The following GALNT13 variants were observed in gnomAD, a reference collection of about 807,000 sequenced individuals.
The protein encoded by GALNT13 is UDP-GalNAc:polypeptide N-acetylgalactosaminyltransferase 13.
A neutral mutation model predicts 64.2 loss-of-function variants in GALNT13; 28 were observed. The observed-to-expected ratio is 0.44, with a 90% CI of 0.32 to 0.60. The LOEUF is 0.60. GALNT13 is among the 20% of genes least tolerant of loss of function. The pLI, the probability that GALNT13 is intolerant of heterozygous loss-of-function variation, is 0.05. For synonymous variants in GALNT13, 214 were observed against 224.6 expected (o/e 0.95, Z 0.42); for missense variants, 577 against 669.8 (o/e 0.86, Z 1.53).
the GALNT13 span, among the ~76,000 whole-genome samples, chr2:153,349,076 T>C: frequency 6.6e-6 from 1 of 152,222 alleles, no homozygotes; most frequent in Admixed American, 6.5e-5. Context: ...CAAGCTCCTA[T>C]GTCTTAGATT....
At chr2:153,780,842 G>A in the GALNT13 span, among the ~76,000 whole-genome samples, 1 of 152,168 alleles carries the variant, frequency 6.6e-6, no homozygotes, top group Non-Finnish European at 1.5e-5. Flanking sequence ...TGAGTTAAGT[G>A]CCAGGGATAC....
At chr2:153,253,001 G>T in the GALNT13 span, among the ~76,000 whole-genome samples, 2 of 151,562 alleles carry the variant, frequency 1.3e-5, no homozygotes, top group African/African-American at 2.4e-5. Flanking sequence ...TTCCAATTCT[G>T]TGAAGAAAGT....
At chr2:153,650,751 G>T in the GALNT13 span, among the ~76,000 whole-genome samples, 181 of 152,190 alleles carry the variant, frequency 1.2e-3, 3 homozygotes, top group African/African-American at 4.2e-3. Flanking sequence ...GAAATTCTGG[G>T]TTAATACCCA....
At chr2:153,439,598 G>C in the GALNT13 span, among the ~76,000 whole-genome samples, 1 of 152,176 alleles carries the variant, frequency 6.6e-6, no homozygotes, top group Admixed American at 6.5e-5. Context: ...AAGGCTCCGT[G>C]GGCATAGGAC....
chr2:153,624,719 CT>C, the GALNT13 span, among the ~76,000 whole-genome samples: 1 of 151,734 alleles, frequency 6.6e-6, no homozygotes, highest in Non-Finnish European at 1.5e-5. Context: ...GCTTTCAAAC[CT>C]TGTGGTCTGC....
the GALNT13 span, among the ~76,000 whole-genome samples, chr2:153,127,217 C>T: frequency 6.6e-6 from 1 of 151,982 alleles, no homozygotes; most frequent in Non-Finnish European, 1.5e-5. Context: ...GTTTATTTTG[C>T]ACTCTAAAAT....
intron 4 of GALNT13, among the ~76,000 whole-genome samples, chr2:154,191,065 T>C (rs1686550957): frequency 6.6e-6 from 1 of 152,168 alleles, no homozygotes; most frequent in Admixed American, 6.5e-5. Flanking sequence ...CGTAAAATAT[T>C]CTCTCTGAAC....
chr2:153,386,831 C>T, the GALNT13 span, among the ~76,000 whole-genome samples: 1 of 152,118 alleles, frequency 6.6e-6, no homozygotes, highest in African/African-American at 2.4e-5. Flanking sequence ...CTCTGAACAA[C>T]TGCTGACTTT....
At chr2:153,677,321 A>ACACACC in the GALNT13 span, among the ~76,000 whole-genome samples, 1 of 140,094 alleles carries the variant, frequency 7.1e-6, no homozygotes, top group African/African-American at 2.6e-5. Context: ...ACACACACAC[A>ACACACC]CACAATACCT....
chr2:153,573,218 T>A, the GALNT13 span, among the ~76,000 whole-genome samples: 4 of 152,026 alleles, frequency 2.6e-5, no homozygotes, highest in African/African-American at 9.7e-5. Flanking sequence ...CTTCTTATAG[T>A]TTTTGTCTTG....
chr2:153,473,578 G>A, the GALNT13 span, among the ~76,000 whole-genome samples: 1 of 152,184 alleles, frequency 6.6e-6, no homozygotes, highest in Non-Finnish European at 1.5e-5. Flanking sequence ...AGGTCTACAT[G>A]GGATTTGACA....
chr2:153,921,487 G>A (rs1158669196), intron 2 of GALNT13, among the ~76,000 whole-genome samples: 1 of 152,096 alleles, frequency 6.6e-6, no homozygotes, highest in Non-Finnish European at 1.5e-5. Flanking sequence ...GGAGGAGGGA[G>A]AGGATCAGAA....
chr2:153,535,434 A>G, the GALNT13 span, among the ~76,000 whole-genome samples: 2 of 152,204 alleles, frequency 1.3e-5, no homozygotes, highest in South Asian at 4.2e-4. Flanking sequence ...AACAGTGTAA[A>G]CCGGCAGTGT....
At chr2:153,289,988 G>A in the GALNT13 span, among the ~76,000 whole-genome samples, 1 of 152,110 alleles carries the variant, frequency 6.6e-6, no homozygotes, top group Non-Finnish European at 1.5e-5. Context: ...TGTGGCCAAA[G>A]GCAGGTTGCT....
At chr2:153,788,634 C>T in the GALNT13 span, among the ~76,000 whole-genome samples, 1 of 151,852 alleles carries the variant, frequency 6.6e-6, no homozygotes, top group Admixed American at 6.6e-5. Flanking sequence ...GCTAAAAGCC[C>T]CAATTAATAG....
At chr2:153,736,079 C>T in the GALNT13 span, among the ~76,000 whole-genome samples, 14 of 152,176 alleles carry the variant, frequency 9.2e-5, no homozygotes, top group Non-Finnish European at 1.3e-4. Flanking sequence ...GTCGAAACAA[C>T]AATCACCATG....
the GALNT13 span, among the ~76,000 whole-genome samples, chr2:153,473,047 TA>T: frequency 6.6e-6 from 1 of 151,758 alleles, no homozygotes; most frequent in Non-Finnish European, 1.5e-5. Context: ...GGTGGGGGGC[TA>T]GGGGAGGGAT....
chr2:153,152,624 AT>A, the GALNT13 span, among the ~76,000 whole-genome samples: 1 of 151,722 alleles, frequency 6.6e-6, no homozygotes, highest in African/African-American at 2.4e-5. Context: ...TGTTCTCATC[AT>A]TTAGCTCTCC....
the GALNT13 span, among the ~76,000 whole-genome samples, chr2:153,402,801 G>T: frequency 6.6e-6 from 1 of 151,950 alleles, no homozygotes; most frequent in South Asian, 2.1e-4. Context: ...GCACTTCTCT[G>T]TATTGGTTAT....
Sources: gnomAD v4.1 joint callset for allele counts (sites outside exome capture counted in the v4.1 genomes callset) on GRCh38, gnomAD v4.1.1 for gene constraint, MANE v1.5 for transcripts, NCBI Gene and HGNC (gene_info 2026-07-23, HGNC 2026-07-21) for gene names.